The following DOCK2 variants were observed in gnomAD, a reference collection of about 807,000 sequenced individuals.
The protein encoded by DOCK2 is dedicator of cytokinesis 2.
A neutral mutation model predicts 248.9 loss-of-function variants in DOCK2; 87 were observed. The observed-to-expected ratio is 0.35, with a 90% confidence interval of 0.29 to 0.42. The LOEUF is 0.42. DOCK2 is among the 10% of genes least tolerant of loss of function. The pLI, the probability that DOCK2 is intolerant of heterozygous loss-of-function variation, is 1.00. For missense variants in DOCK2, 1,747 were observed against 2,300.2 expected (o/e 0.76, Z 4.92); for synonymous variants, 805 against 821.6 (o/e 0.98, Z 0.35).
chr5:169,902,423 T>G lies in DOCK2; in HGVS notation c.2799+61571T>G, dbSNP rs139596780. On this transcript the variant is annotated intron_variant, in intron 27 of 51. Transcript: ENST00000520908. Reference sequence around the variant, plus strand: ...TTTGCCAAGCCACCACAGTAGTGAATAGTCCAGCAGGGCCTTGTGCTCCAG... The same window carrying G: ...TTTGCCAAGCCACCACAGTAGTGAAGAGTCCAGCAGGGCCTTGTGCTCCAG... 1.9e-3 allele frequency among the ~76,000 whole-genome samples: 285 copies of G among 152,320 alleles called. 3 individuals carry two copies. The highest frequency in any genetic ancestry group is 0.012 in the Admixed American group (178 of 15,300).
intron 47 of DOCK2, among the ~76,000 whole-genome samples, chr5:170,077,194 T>C (rs1157264625): frequency 1.3e-5 from 2 of 152,202 alleles, no homozygotes; most frequent in Non-Finnish European, 2.9e-5. Flanking sequence ...CACATTGATG[T>C]ATGATTACCA....
chr5:169,935,628 G>A (rs1775954481), intron 27 of DOCK2, among the ~76,000 whole-genome samples: 1 of 152,118 alleles, frequency 6.6e-6, no homozygotes, highest in South Asian at 2.1e-4. Flanking sequence ...GTGAAATGAA[G>A]GTCTTCATAG....
chr5:170,044,191 G>A (rs1174534060), intron 38 of DOCK2, among the ~76,000 whole-genome samples: 2 of 152,154 alleles, frequency 1.3e-5, no homozygotes, highest in African/African-American at 2.4e-5. Context: ...GCCATCACCC[G>A]ATAGACTCCT....
intron 27 of DOCK2, among the ~76,000 whole-genome samples, chr5:169,856,709 T>C (rs1358295946): frequency 1.3e-5 from 2 of 152,214 alleles, no homozygotes; most frequent in Non-Finnish European, 2.9e-5. Context: ...TTGAATTTCA[T>C]CGGGCTTGGT....
intron 38 of DOCK2, among the ~76,000 whole-genome samples, chr5:170,043,310 T>C (rs1050204099): frequency 1.3e-4 from 20 of 152,090 alleles, no homozygotes; most frequent in Admixed American, 1.3e-3. Flanking sequence ...ACCGTGAAAA[T>C]AGAGTGAGAA....
intron 8 of DOCK2, among the ~76,000 whole-genome samples, chr5:169,687,649 T>C (rs916355248): frequency 2.0e-5 from 3 of 152,238 alleles, no homozygotes; most frequent in African/African-American, 7.2e-5. Context: ...ATGACTCAAC[T>C]CAGCAAACTA....
chr5:169,974,166 C>T (rs1777628823), intron 27 of DOCK2, among the ~76,000 whole-genome samples: 1 of 152,120 alleles, frequency 6.6e-6, no homozygotes, highest in South Asian at 2.1e-4. Flanking sequence ...ACCTATATCC[C>T]CTCTCTGTTC....
At chr5:169,685,243 T>C (rs1759896181) in intron 8 of DOCK2, among the ~76,000 whole-genome samples, 1 of 152,228 alleles carries the variant, frequency 6.6e-6, no homozygotes, top group Admixed American at 6.5e-5. Context: ...GTTGTTATTA[T>C]TACTACTTTA....
Position 169,963,154 on chromosome 5 carries a change from C to T in DOCK2, c.2800-19914C>T, listed in dbSNP as rs373901981. ...GCTCTGTGTTCATAAGGTGCTGTAA[C>T]CAAAAGAGAGTTTGGGAAGGCCTGA... is the stretch of plus-strand genomic sequence containing the variant. On this transcript the variant is annotated intron_variant, in intron 27 of 51. Coordinates refer to ENST00000520908, the MANE Select transcript of DOCK2 (RefSeq NM_004946.3). 1.6e-3 allele frequency among the ~76,000 whole-genome samples: 240 copies of T among 152,266 alleles called. 4 individuals are homozygous for T. In the South Asian group the frequency reaches 0.043, roughly 27 times the overall value.
chr5:169,842,064 A>G (rs546084960), intron 27 of DOCK2, among the ~76,000 whole-genome samples: 2 of 152,334 alleles, frequency 1.3e-5, no homozygotes, highest in East Asian at 1.9e-4. Context: ...AGGATTCCCA[A>G]TATTTCAAGA....
At position 170,057,577 on chromosome 5, in the gene DOCK2, C is replaced by G; in HGVS notation, c.4381-3C>G. The stretch of plus-strand genomic sequence containing the variant: ...CCCTTGCCACCCCTCTGCCCACGGA[C>G]AGTCCATGTGGATTGAGAGAACCTC... On this transcript the variant is annotated splice_polypyrimidine_tract_variant and splice_region_variant and intron_variant, in intron 43 of 51. Transcript: ENST00000520908. The G allele has an allele frequency of 1.2e-6, 2 of 1,613,804 alleles. No homozygotes were observed. Among genetic ancestry groups the G allele is most frequent in the Non-Finnish European group, 8.5e-7 (1 of 1,179,668 alleles).
At chr5:170,059,440 G>A (rs1757251792) in intron 44 of DOCK2, among the ~76,000 whole-genome samples, 1 of 152,128 alleles carries the variant, frequency 6.6e-6, no homozygotes, top group Non-Finnish European at 1.5e-5. Flanking sequence ...GCTCAGCAAG[G>A]CGCCTCTTCT....
chr5:170,039,646 C>G (rs1380339069), intron 36 of DOCK2, among the ~76,000 whole-genome samples: 1 of 152,226 alleles, frequency 6.6e-6, no homozygotes, highest in East Asian at 1.9e-4. Flanking sequence ...TACATTTGAC[C>G]CACTGACCCA....
intron 6 of DOCK2, among the ~76,000 whole-genome samples, chr5:169,676,581 G>A (rs1052947985): frequency 6.6e-6 from 1 of 152,112 alleles, no homozygotes; most frequent in East Asian, 1.9e-4. Flanking sequence ...CTTATCACTG[G>A]CCTGATAGTT....
At chr5:169,881,583 C>T (rs1772655981) in intron 27 of DOCK2, 1 of 659,102 alleles carries the variant, frequency 1.5e-6, no homozygotes, top group Non-Finnish European at 2.8e-6. Flanking sequence ...AATAAGGAAA[C>T]AAGAATGTCA....
intron 1 of DOCK2, among the ~76,000 whole-genome samples, chr5:169,648,773 C>G (rs541081354): frequency 1.5e-4 from 23 of 152,324 alleles, no homozygotes; most frequent in African/African-American, 5.5e-4. Flanking sequence ...GCGTAAAGCC[C>G]TTGGAATAGT....
intron 12 of DOCK2, 89 bp downstream of exon 12, chr5:169,699,547 G>T (rs1760838047): frequency 1.5e-6 from 2 of 1,290,584 alleles, no homozygotes; most frequent in Non-Finnish European, 2.2e-6. Context: ...CTGAACCCTG[G>T]GATACTTAGC....
intron 34 of DOCK2, among the ~76,000 whole-genome samples, chr5:170,032,722 T>G (rs1390939626): frequency 6.6e-6 from 1 of 152,180 alleles, no homozygotes; most frequent in Non-Finnish European, 1.5e-5. Context: ...GAACAGGTGC[T>G]TCTCCCAGAG....
At chr5:169,647,378 G>A (rs898368510) in intron 1 of DOCK2, among the ~76,000 whole-genome samples, 6 of 151,944 alleles carry the variant, frequency 3.9e-5, no homozygotes, top group African/African-American at 1.5e-4. Flanking sequence ...GGAGGGGGAG[G>A]AGGATGGGTA....
Sources: allele counts gnomAD v4.1 joint callset (sites outside exome capture counted in the v4.1 genomes callset), GRCh38; gene constraint gnomAD v4.1.1; transcripts MANE v1.5; gene names NCBI Gene and HGNC (gene_info 2026-07-23, HGNC 2026-07-21).